Variants in ADAD2 observed in about 807,000 individuals in gnomAD.
ADAD2 encodes adenosine deaminase domain containing 2, also known as adenosine deaminase domain-containing protein 2.
In ADAD2, 60 loss-of-function variants were observed where a neutral mutation model predicts 54.5. The ratio of observed to expected loss-of-function variants is 1.10; its 90% CI spans 0.89 to 1.36. ADAD2 has a LOEUF of 1.36. Ranked by LOEUF, ADAD2 falls within the 40% of genes most tolerant of loss-of-function variation. The pLI is 0.00. For synonymous variants in ADAD2, 543 were observed against 366.2 expected (o/e 1.48, Z -5.51); for missense variants, 1,103 against 801.3 (o/e 1.38, Z -4.54).
Position 84,191,249 on chromosome 16 carries a change from G to T in ADAD2, c.19G>T (p.Gly7Cys), listed in dbSNP as rs2089644955. 3 of 1,608,088 alleles carry T rather than the reference G, an allele frequency of 1.9e-6. No homozygotes were observed. Among genetic ancestry groups the T allele is most frequent in the Non-Finnish European group, 2.5e-6 (3 of 1,177,342 alleles). Residue 7 changes from glycine to cysteine, a missense_variant, in exon 1 of 10, where the codon GGC becomes TGC. Transcript: ENST00000315906. The stretch of plus-strand genomic sequence containing the variant: ...GGCGGCCATGGCTTCGGCTTCTCAG[G>T]GCGCTGACGACGACGGCAGTCGTAG... MASASQ[G>C]ADDDGSRRKP... is the part of the protein sequence containing the mutation.
At chr16:84,195,783 G>C in intron 6 of ADAD2, 32 bp from the exon 7 acceptor site, 2 of 1,567,882 alleles carry the variant, frequency 1.3e-6, no homozygotes, top group Non-Finnish European at 1.7e-6. Context: ...GAGCAGCCCT[G>C]AAGCTGATGT....
At position 84,196,727 on chromosome 16, in the gene ADAD2, A is replaced by T; in HGVS notation, c.1607A>T (p.Lys536Met). The change falls in exon 9 of 10, where the codon AAG (lysine) becomes ATG (methionine). Residue 536 changes from lysine to methionine, a missense_variant. Transcript: ENST00000315906. ...CACCAGGCGGCCAGGGCTGTGGGGA[A>T]GCCCTACCTCCTGGCCTTGAAGACC... ...AFHQAARAVG[K>M]PYLLALKTYE... 1 of 1,613,016 alleles carries T rather than the reference A, an allele frequency of 6.2e-7. No homozygotes were observed. Among genetic ancestry groups the T allele is most frequent in the Middle Eastern group, 1.6e-4 (1 of 6,062 alleles).
In ADAD2 at chr16:84,195,521, C is replaced by T. The variant is rs374000029; in HGVS notation, c.885-9C>T. 98 of 1,599,234 alleles carry T rather than the reference C, an allele frequency of 6.1e-5. No homozygotes were observed. The Admixed American group carries it at 6.3e-4, about 10-fold the overall frequency. ...GTCTTCCCAACCACCCTGTGCCTGT[C>T]GCTCCTAGGTTCTTGTTCCGGCAGC... On this transcript the variant is annotated splice_polypyrimidine_tract_variant and intron_variant, in intron 5 of 9. Coordinates refer to ENST00000315906, the MANE Select transcript of ADAD2 (RefSeq NM_001145400.2).
Position 84,196,686 on chromosome 16 carries a change from C to T in ADAD2, c.1566C>T (p.Ser522=), listed in dbSNP as rs754687970. The T allele has an allele frequency of 6.2e-7, 1 of 1,613,444 alleles. No individual in the cohort carries two copies. The highest frequency in any genetic ancestry group is 1.7e-5 in the Admixed American group (1 of 60,008). The change falls in exon 9 of 10, where the codon TCC becomes TCT. Residue 522 remains serine, a synonymous_variant. Coordinates refer to ENST00000315906, the MANE Select transcript of ADAD2 (RefSeq NM_001145400.2). ...LGPPSRLCKA[S]FLRAFHQAAR... is the part of the protein sequence containing the mutation. The stretch of plus-strand genomic sequence containing the variant: ...CTCCCTCCCGTCTCTGCAAGGCCTC[C>T]TTTCTCCGGGCCTTTCACCAGGCGG...
At chr16:84,196,794 C>G (rs376988616) in intron 9 of ADAD2, 27 bp downstream of exon 9, 3 of 1,602,094 alleles carry the variant, frequency 1.9e-6, no homozygotes, top group Non-Finnish European at 2.6e-6. Flanking sequence ...CCCCCCGTCC[C>G]GGTCCCTCTC....
At chr16:84,193,348 C>G (rs1008422472) in intron 1 of ADAD2, 2 of 152,156 alleles carry the variant, frequency 1.3e-5, no homozygotes, top group Non-Finnish European at 2.9e-5. Flanking sequence ...GAAACAGTTC[C>G]TGTCTTTGTC....
intron 3 of ADAD2, 28 bp from the exon 4 acceptor site, chr16:84,195,041 C>A: frequency 6.2e-7 from 1 of 1,612,496 alleles, no homozygotes; most frequent in Non-Finnish European, 8.5e-7. Flanking sequence ...GGGCCCCCTT[C>A]TACCTGCAGT....
rs749796902 is a variant in ADAD2 at position 84,195,568 on chromosome 16, G to C, written c.923G>C (p.Gly308Ala). 5 of 1,600,122 alleles carry C rather than the reference G, an allele frequency of 3.1e-6. No individual in the cohort carries two copies. Among genetic ancestry groups the C allele is most frequent in the Non-Finnish European group, 3.4e-6 (4 of 1,173,602 alleles). ...FRQLLLATQG[G>A]PKGKEQSVLA... is the part of the protein sequence containing the mutation. ...CAGCTCCTGCTGGCCACACAGGGGG[G>C]CCCCAAGGGCAAGGAGCAGTCCGTG... The change falls in exon 6 of 10, where the codon GGC (glycine) becomes GCC (alanine). Residue 308 changes from glycine (G) to alanine (A), a missense_variant. By Grantham distance (60) the Gly-to-Ala change is moderately conservative. Coordinates refer to ENST00000315906, the MANE Select transcript of ADAD2 (RefSeq NM_001145400.2).
Position 84,196,248 on chromosome 16 carries a change from A to G in ADAD2, c.1404A>G (p.Ala468=). ...PYVRTALHLF[A]GPPVAPSEPT... ...TCCGGACCGCCCTGCACCTGTTTGC[A>G]GGGCCCCCGGTGGCCCCTTCCGAAC... The change falls in exon 8 of 10, where the codon GCA becomes GCG. Residue 468 remains alanine (A), a synonymous_variant. Transcript: ENST00000315906. 1.9e-6 allele frequency: 3 copies of G among 1,612,350 alleles called. No homozygotes were observed. Among genetic ancestry groups the G allele is most frequent in the South Asian group, 1.1e-5 (1 of 91,076 alleles).
In ADAD2 at chr16:84,195,930, C is replaced by G; in HGVS notation, c.1168C>G (p.His390Asp). 1 of 1,599,776 alleles carries G rather than the reference C, an allele frequency of 6.3e-7. No individual in the cohort carries two copies. Among genetic ancestry groups the G allele is most frequent in the Non-Finnish European group, 8.5e-7 (1 of 1,179,618 alleles). The part of the protein sequence containing the change: ...CYVAPSLCDT[H>D]VGCLSASDKL... Reference sequence around the variant, plus strand: ...CGTGGCGCCCTCGCTCTGTGACACCCACGTGGGCTGCCTGTCAGCCAGTGA... The same window carrying G: ...CGTGGCGCCCTCGCTCTGTGACACCGACGTGGGCTGCCTGTCAGCCAGTGA... The change falls in exon 7 of 10, where the codon CAC becomes GAC. Residue 390 changes from histidine to aspartate, a missense_variant. Coordinates refer to ENST00000315906, the MANE Select transcript of ADAD2 (RefSeq NM_001145400.2).
At chr16:84,196,510 T>A in intron 8 of ADAD2, 137 bp from the exon 9 acceptor site, 2 of 1,542,744 alleles carry the variant, frequency 1.3e-6, no homozygotes, top group South Asian at 2.5e-5. Context: ...AGCTCCGTAG[T>A]GGTGGCCACA....
chr16:84,196,987 C>G lies in ADAD2; in HGVS notation c.*13C>G, dbSNP rs376778284. 1 of 1,578,904 alleles carries G rather than the reference C, an allele frequency of 6.3e-7. No individual in the cohort carries two copies. Among genetic ancestry groups the G allele is most frequent in the African/African-American group, 1.3e-5 (1 of 74,558 alleles). ...ATTCAGAAACTGAAGCCAGCCTCGG[C>G]GGGACCGAGGTCCCGGAGCCAAGCT... On this transcript the variant is annotated 3_prime_UTR_variant, in exon 10 of 10. Coordinates refer to ENST00000315906, the MANE Select transcript of ADAD2 (RefSeq NM_001145400.2).
At position 84,196,772 on chromosome 16, in the gene ADAD2, G is replaced by T. The variant is rs1444732405; in HGVS notation, c.1647+5G>T. On this transcript the variant is annotated splice_donor_5th_base_variant and intron_variant, in intron 9 of 9. Transcript: ENST00000315906. The stretch of plus-strand genomic sequence containing the variant: ...AAGACCTACGAGGCTGCCAAGGTTG[G>T]TTCCCCACCCTCCCCCCGTCCCGGT... The T allele has an allele frequency of 6.2e-7, 1 of 1,606,752 alleles. No homozygotes were observed. Among genetic ancestry groups the T allele is most frequent in the Non-Finnish European group, 8.5e-7 (1 of 1,175,348 alleles).
rs748369119 is a variant in ADAD2 at position 84,196,173 on chromosome 16, C to A, written c.1329C>A (p.Thr443=). 8.1e-5 allele frequency: 130 copies of A among 1,607,568 alleles called. No homozygotes were observed. Among genetic ancestry groups the A allele is most frequent in the Non-Finnish European group, 1.0e-4 (123 of 1,179,890 alleles). ...DPPTLSRAIH[T]RPCLDSVLGP... ...CGACTCTGAGCAGGGCCATCCACACCCGGCCCTGCCTGGACAGTGTCCTGG... is the reference window on the plus strand; with the variant it reads ...CGACTCTGAGCAGGGCCATCCACACACGGCCCTGCCTGGACAGTGTCCTGG... The change falls in exon 8 of 10, where the codon ACC becomes ACA. Residue 443 remains threonine (T), a synonymous_variant. Coordinates refer to ENST00000315906, the MANE Select transcript of ADAD2 (RefSeq NM_001145400.2).
intron 1 of ADAD2, chr16:84,193,996 T>C (rs1409967658): frequency 6.4e-7 from 1 of 1,561,632 alleles, no homozygotes; most frequent in Non-Finnish European, 8.7e-7. Flanking sequence ...AAAATGATAC[T>C]GTTTCATAGG....
In ADAD2 at chr16:84,195,228, G is replaced by GCCCCCTGGGAAGGGCCCCCT. The variant is rs758923139; in HGVS notation, c.733+36_734-47dup. ...CGCCCCAGCCCTGGCCCTGGCCCCG[G>GCCCCCTGGGAAGGGCCCCCT]CCCCCTGGGAAGGGCCCCCTCAAGC... is the stretch of plus-strand genomic sequence containing the variant. On this transcript the variant is annotated intron_variant, in intron 4 of 9. Transcript: ENST00000315906. 9 of 1,610,094 alleles carry GCCCCCTGGGAAGGGCCCCCT rather than the reference G, an allele frequency of 5.6e-6. No individual in the cohort carries two copies. In the East Asian group the frequency reaches 1.8e-4, roughly 32 times the overall value.
At position 84,196,595 on chromosome 16, in the gene ADAD2, G is replaced by A. The variant is rs111842490; in HGVS notation, c.1527-52G>A. The A allele has an allele frequency of 1.6e-3, 2,479 of 1,596,710 alleles. 25 individuals are homozygous for A. The African/African-American group carries it at 0.029, about 19-fold the overall frequency. ...GTAGTGTGAGGTGTGTAGCAGGCCT[G>A]CTGGTCCAGCTTGTATCTCTCTGAT... On this transcript the variant is annotated intron_variant, in intron 8 of 9. Coordinates refer to ENST00000315906, the MANE Select transcript of ADAD2 (RefSeq NM_001145400.2).
In ADAD2 at chr16:84,197,036, T is replaced by C. The variant is rs2089741768; in HGVS notation, c.*62T>C. ...CTGTACCCCTGCTGGGGGAGTGCCCTATCTGAGGAGCGTTGTGGGGAGAAC... is the reference window on the plus strand; with the variant it reads ...CTGTACCCCTGCTGGGGGAGTGCCCCATCTGAGGAGCGTTGTGGGGAGAAC... On this transcript the variant is annotated 3_prime_UTR_variant, in exon 10 of 10. Transcript: ENST00000315906. 6.7e-7 allele frequency: 1 copy of C among 1,491,802 alleles called. No homozygotes were observed. Among genetic ancestry groups the C allele is most frequent in the Non-Finnish European group, 9.1e-7 (1 of 1,096,598 alleles). The allele number at this position is 1,491,802 out of a possible 1,614,324, so 92.4% of individuals were successfully genotyped here. A position where few individuals can be genotyped will look rare whatever the true frequency, so the allele number is the denominator to read the frequency against.
Position 84,194,750 on chromosome 16 carries a change from A to G in ADAD2, c.559+168A>G, listed in dbSNP as rs539400784. Reference sequence around the variant, plus strand: ...CCTGCAGGGAGCTGGGGCGGGGTACATGTGCCGGTCCCTGCTTTCACGTCC... The same window carrying G: ...CCTGCAGGGAGCTGGGGCGGGGTACGTGTGCCGGTCCCTGCTTTCACGTCC... On this transcript the variant is annotated intron_variant, in intron 2 of 9. Transcript: ENST00000315906. 9.0e-5 allele frequency: 120 copies of G among 1,328,306 alleles called. 1 individual carries two copies. In the Admixed American group the frequency reaches 1.8e-3, roughly 20 times the overall value. The allele number at this position is 1,328,306 out of a possible 1,614,324, so 82.3% of individuals were successfully genotyped here.
Sources: allele counts gnomAD v4.1 joint callset, GRCh38; gene constraint gnomAD v4.1.1; transcripts MANE v1.5; gene names NCBI Gene and HGNC (gene_info 2026-07-23, HGNC 2026-07-21).